NCOA2: variants seen among roughly 807,000 people sequenced by gnomAD.
NCOA2 encodes the protein nuclear receptor coactivator 2.
In NCOA2, 21 loss-of-function variants were observed where a neutral mutation model predicts 145.1. The observed-to-expected ratio is 0.14, with a 90% CI of 0.10 to 0.21. The LOEUF is 0.21. Among genes scored for constraint, NCOA2 ranks in the 10% least tolerant of loss-of-function variants. NCOA2 has a pLI of 1.00. For synonymous variants in NCOA2, 619 were observed against 637.5 expected, an observed-to-expected ratio of 0.97 and a Z score of 0.44; for missense variants, 1,472 against 1,837.6, an observed-to-expected ratio of 0.80 and a Z score of 3.64.
intron 4 of NCOA2, among the ~76,000 whole-genome samples, chr8:70,183,847 T>C (rs970160416): frequency 6.6e-6 from 1 of 152,202 alleles, no homozygotes; most frequent in Non-Finnish European, 1.5e-5. Context: ...CTGTAAGAAA[T>C]GACTTTTTAT....
chr8:70,440,296 A>C, the NCOA2 span, among the ~76,000 whole-genome samples: 3 of 152,090 alleles, frequency 2.0e-5, no homozygotes, highest in Non-Finnish European at 2.9e-5. Context: ...AAAAAGAAAG[A>C]AAGAAACAAA....
At chr8:70,237,747 G>A (rs1238741583) in intron 2 of NCOA2, among the ~76,000 whole-genome samples, 4 of 152,040 alleles carry the variant, frequency 2.6e-5, no homozygotes, top group African/African-American at 7.2e-5. Context: ...TCCAGCCTGG[G>A]CAACAGAGCA....
the NCOA2 span, among the ~76,000 whole-genome samples, chr8:70,453,912 G>A: frequency 6.6e-6 from 1 of 152,172 alleles, no homozygotes; most frequent in Admixed American, 6.5e-5. Context: ...CATTCTATGT[G>A]GTGGTATGGG....
intron 4 of NCOA2, among the ~76,000 whole-genome samples, chr8:70,193,885 T>TGGCAGTGG (rs145934077): frequency 0.034 from 5,249 of 152,288 alleles, 298 homozygotes; most frequent in African/African-American, 0.12. Context: ...TGGTGTTAAC[T>TGGCAGTGG]GGCAGTGGAA....
intron 1 of NCOA2, among the ~76,000 whole-genome samples, chr8:70,304,856 CTT>C (rs34611471): frequency 6.6e-4 from 83 of 125,650 alleles, no homozygotes; most frequent in Admixed American, 1.4e-3. Context: ...AAGTAACTAG[CTT>C]TTTTTTTTTT....
chr8:70,226,684 C>CTA (rs1820681761), intron 2 of NCOA2, among the ~76,000 whole-genome samples: 1 of 148,752 alleles, frequency 6.7e-6, no homozygotes, highest in Non-Finnish European at 1.5e-5. Context: ...ATATATAAAA[C>CTA]TATACTTAAA....
At chr8:70,210,739 G>C (rs1369354725) in intron 4 of NCOA2, among the ~76,000 whole-genome samples, 1 of 152,034 alleles carries the variant, frequency 6.6e-6, no homozygotes, top group African/African-American at 2.4e-5. Flanking sequence ...ACACGTCATA[G>C]CTTCTGACAC....
chr8:70,238,434 ATGAC>A (rs908682796), intron 2 of NCOA2, among the ~76,000 whole-genome samples: 2 of 136 alleles, frequency 0.015, no homozygotes, highest in Non-Finnish European at 0.037. Flanking sequence ...GAGAAGTTAC[ATGAC>A]CGACCTCTCC....
At chr8:70,240,354 A>G (rs773759015) in intron 2 of NCOA2, among the ~76,000 whole-genome samples, 6 of 152,224 alleles carry the variant, frequency 3.9e-5, no homozygotes, top group Non-Finnish European at 7.3e-5. Context: ...CATAAAAATA[A>G]GCTGCCTTCA....
intron 2 of NCOA2, among the ~76,000 whole-genome samples, chr8:70,262,853 G>A (rs753121200): frequency 1.3e-4 from 20 of 151,888 alleles, no homozygotes; most frequent in Non-Finnish European, 2.5e-4. Flanking sequence ...TATATACACC[G>A]GTTTTTCCTA....
intron 1 of NCOA2, among the ~76,000 whole-genome samples, chr8:70,385,580 C>T (rs1420115791): frequency 6.6e-6 from 1 of 152,192 alleles, no homozygotes; most frequent in Non-Finnish European, 1.5e-5. Context: ...GTGCCCGCCA[C>T]CTCACCCAGC....
At chr8:70,379,610 G>A (rs1364162137) in intron 1 of NCOA2, among the ~76,000 whole-genome samples, 1 of 152,050 alleles carries the variant, frequency 6.6e-6, no homozygotes, top group African/African-American at 2.4e-5. Context: ...TGGGAAAAAT[G>A]AACTGCATTT....
rs147489148 is a variant in NCOA2 at position 70,153,819 on chromosome 8, C to T, written c.2394+2152G>A. Among the ~76,000 whole-genome samples the T allele has an allele frequency of 1.6e-3, 237 of 152,278 alleles. 1 individual carries two copies. Among genetic ancestry groups the T allele is most frequent in the South Asian group, 7.7e-3 (37 of 4,826 alleles). On this transcript the variant is annotated intron_variant, in intron 11 of 22. Transcript: ENST00000452400. ...CCCATTTAATGATTTTACAGTGTTA[C>T]GGAACAGCTGCTAATAGAACCTTGC...
At chr8:70,194,784 A>C (rs1817094621) in intron 4 of NCOA2, among the ~76,000 whole-genome samples, 1 of 151,890 alleles carries the variant, frequency 6.6e-6, no homozygotes, top group Non-Finnish European at 1.5e-5. Flanking sequence ...TAGTAAACTA[A>C]AACTCGGTGT....
chr8:70,400,654 T>C (rs148342312), intron 1 of NCOA2, among the ~76,000 whole-genome samples: 63 of 152,300 alleles, frequency 4.1e-4, no homozygotes, highest in Non-Finnish European at 6.9e-4. Context: ...ACCTTCTCTG[T>C]TTTTACTATT....
At chr8:70,201,448 T>C (rs1195559768) in intron 4 of NCOA2, among the ~76,000 whole-genome samples, 3 of 152,172 alleles carry the variant, frequency 2.0e-5, no homozygotes, top group Admixed American at 1.3e-4. Flanking sequence ...AGGCTCCATT[T>C]CTTACCTATA....
At chr8:70,128,348 T>TG in intron 18 of NCOA2, 85 bp downstream of exon 18, 1 of 1,165,500 alleles carries the variant, frequency 8.6e-7, no homozygotes. Context: ...CCACGTCTAC[T>TG]AAGTTAACTT....
the NCOA2 span, among the ~76,000 whole-genome samples, chr8:70,454,596 C>A: frequency 6.6e-6 from 1 of 152,174 alleles, no homozygotes; most frequent in Non-Finnish European, 1.5e-5. Flanking sequence ...CATTTAAACA[C>A]CTTTTTTCAT....
chr8:70,367,665 TTA>T (rs1167072544), intron 1 of NCOA2, among the ~76,000 whole-genome samples: 1 of 152,178 alleles, frequency 6.6e-6, no homozygotes, highest in Non-Finnish European at 1.5e-5. Flanking sequence ...TGTTTGAAAA[TTA>T]TCTTAGTAAA....
Sources: gnomAD v4.1 joint callset for allele counts (sites outside exome capture counted in the v4.1 genomes callset) on GRCh38, gnomAD v4.1.1 for gene constraint, MANE v1.5 for transcripts, NCBI Gene and HGNC (gene_info 2026-07-23, HGNC 2026-07-21) for gene names.